Variants in CSMD1 observed in about 807,000 individuals in gnomAD.
CSMD1 encodes the protein CUB and Sushi multiple domains 1.
Under a neutral mutation model 417.5 loss-of-function variants are expected in CSMD1, and 213 were observed. That is an observed-to-expected ratio of 0.51 (90% confidence interval 0.46 to 0.57). The LOEUF is 0.57. Among genes scored for constraint, CSMD1 ranks in the 20% least tolerant of loss-of-function variants. The probability of loss-of-function intolerance (pLI) is 0.00; values close to 1 mark genes in which losing one functional copy is unlikely to be tolerated. For synonymous variants in CSMD1, 2,862 were observed against 1,736.8 expected, an observed-to-expected ratio of 1.65 and a Z score of -16.11; for missense variants, 6,923 against 4,529.7, an observed-to-expected ratio of 1.53 and a Z score of -15.17.
chr8:4,212,581 T>C (rs537750932), intron 3 of CSMD1, among the ~76,000 whole-genome samples: 1 of 152,158 alleles, frequency 6.6e-6, no homozygotes, highest in South Asian at 2.1e-4. Flanking sequence ...GATCAAGGCC[T>C]GACATTGTCA....
intron 5 of CSMD1, among the ~76,000 whole-genome samples, chr8:3,913,160 G>A (rs913972773): frequency 2.0e-5 from 3 of 152,102 alleles, no homozygotes; most frequent in Non-Finnish European, 2.9e-5. Flanking sequence ...ATGTTACATC[G>A]ACAGGGAGAT....
intron 2 of CSMD1, among the ~76,000 whole-genome samples, chr8:4,551,586 C>A (rs1295520486): frequency 6.6e-6 from 1 of 152,154 alleles, no homozygotes; most frequent in Non-Finnish European, 1.5e-5. Flanking sequence ...CATGTCACCC[C>A]ACACTCAAGA....
At chr8:4,622,679 G>A (rs563066453) in intron 2 of CSMD1, among the ~76,000 whole-genome samples, 9 of 152,294 alleles carry the variant, frequency 5.9e-5, no homozygotes, top group Admixed American at 5.9e-4. Context: ...AAAAGACATT[G>A]TGGATGATGA....
At chr8:4,469,912 G>A (rs935415482) in intron 2 of CSMD1, among the ~76,000 whole-genome samples, 2 of 150,984 alleles carry the variant, frequency 1.3e-5, no homozygotes, top group East Asian at 2.0e-4. Context: ...CTGTCGCCCT[G>A]GCTGGAGTGC....
intron 23 of CSMD1, among the ~76,000 whole-genome samples, chr8:3,310,316 TTACTGTTGTTATTGTTG>T (rs1239348643): frequency 6.6e-6 from 1 of 151,852 alleles, no homozygotes; most frequent in Non-Finnish European, 1.5e-5. Context: ...GCAGAAGTCT[TTACTGTTGTTATTGTTG>T]TAGTGTTACT....
intron 2 of CSMD1, among the ~76,000 whole-genome samples, chr8:4,623,567 G>C (rs1302796784): frequency 6.6e-6 from 1 of 151,944 alleles, no homozygotes; most frequent in Non-Finnish European, 1.5e-5. Flanking sequence ...CTAAAAACAG[G>C]GGGGTGAGGG....
intron 12 of CSMD1, among the ~76,000 whole-genome samples, chr8:3,454,504 A>G (rs558531307): frequency 6.6e-6 from 1 of 152,064 alleles, no homozygotes; most frequent in Non-Finnish European, 1.5e-5. Context: ...TTAGGGCAGG[A>G]CTGGTGGTGA....
chr8:4,946,513 C>G (rs1002649461), intron 1 of CSMD1, among the ~76,000 whole-genome samples: 1 of 152,070 alleles, frequency 6.6e-6, no homozygotes, highest in Non-Finnish European at 1.5e-5. Context: ...CAGCCATCCC[C>G]CCAGCTGCCT....
At chr8:4,451,017 T>G (rs1194124087) in intron 2 of CSMD1, among the ~76,000 whole-genome samples, 1 of 100,574 alleles carries the variant, frequency 9.9e-6, no homozygotes, top group Non-Finnish European at 2.0e-5. Flanking sequence ...TTGACCAACG[T>G]GGGGAAAAAA....
chr8:3,820,011 G>A (rs931006525), intron 5 of CSMD1, among the ~76,000 whole-genome samples: 2 of 152,090 alleles, frequency 1.3e-5, no homozygotes, highest in East Asian at 1.9e-4. Flanking sequence ...CTTTCCACTT[G>A]AACATCACAG....
At chr8:4,899,016 T>G (rs550159795) in intron 1 of CSMD1, among the ~76,000 whole-genome samples, 21 of 152,336 alleles carry the variant, frequency 1.4e-4, no homozygotes, top group African/African-American at 4.6e-4. Flanking sequence ...GAGAGTTTTA[T>G]GCTAAACACA....
At chr8:4,773,340 A>T (rs765760087) in intron 1 of CSMD1, among the ~76,000 whole-genome samples, 6 of 152,156 alleles carry the variant, frequency 3.9e-5, no homozygotes, top group Non-Finnish European at 5.9e-5. Context: ...AAGCTCACTG[A>T]CTGGTGGCTT....
intron 25 of CSMD1, among the ~76,000 whole-genome samples, chr8:3,296,621 C>CGT (rs1226421833): frequency 6.6e-6 from 1 of 152,000 alleles, no homozygotes; most frequent in Non-Finnish European, 1.5e-5. Flanking sequence ...AAGAAAGTGG[C>CGT]GTATGTGCTG....
intron 1 of CSMD1, among the ~76,000 whole-genome samples, chr8:4,882,194 A>G (rs758654186): frequency 6.6e-6 from 1 of 151,926 alleles, no homozygotes; most frequent in Non-Finnish European, 1.5e-5. Flanking sequence ...ACGGTGGTGT[A>G]CACTGCGTGG....
chr8:4,096,142 T>C (rs1218310971), intron 3 of CSMD1, among the ~76,000 whole-genome samples: 2 of 152,176 alleles, frequency 1.3e-5, no homozygotes, highest in African/African-American at 2.4e-5. Flanking sequence ...CTAGATGTTC[T>C]ATAATAGGTG....
chr8:3,230,194 G>T lies in CSMD1; in HGVS notation c.4191C>A (p.Pro1397=). The change falls in exon 27 of 70, where the codon CCC becomes CCA. Residue 1397 remains proline, a synonymous_variant. Coordinates refer to ENST00000635120, the MANE Select transcript of CSMD1 (RefSeq NM_033225.6). The part of the protein sequence containing the change: ...IAATCNDPGM[P]QNGTRYGDSR... ...TGTCTCCATAGCGGGTGCCATTTTGGGGCATACCTGGATCGTTACAGGTGG... is the reference window on the plus strand; with the variant it reads ...TGTCTCCATAGCGGGTGCCATTTTGTGGCATACCTGGATCGTTACAGGTGG... The T allele has an allele frequency of 6.2e-7, 1 of 1,609,514 alleles. No homozygotes were observed. The highest frequency in any genetic ancestry group is 8.5e-7 in the Non-Finnish European group (1 of 1,177,682).
chr8:3,811,274 A>C (rs1234874247), intron 5 of CSMD1, among the ~76,000 whole-genome samples: 1 of 152,206 alleles, frequency 6.6e-6, no homozygotes, highest in Non-Finnish European at 1.5e-5. Context: ...ATTACCAGAG[A>C]TAAGTTTATG....
chr8:3,792,272 G>A (rs562728170), intron 5 of CSMD1, among the ~76,000 whole-genome samples: 10 of 152,058 alleles, frequency 6.6e-5, no homozygotes, highest in Non-Finnish European at 1.5e-4. Context: ...CAGCCTGGGT[G>A]ACAGAGAGAG....
At chr8:3,810,221 T>C (rs1800987614) in intron 5 of CSMD1, among the ~76,000 whole-genome samples, 1 of 152,106 alleles carries the variant, frequency 6.6e-6, no homozygotes, top group African/African-American at 2.4e-5. Context: ...TCTTTGACAG[T>C]ATAGAGAAGT....
Sources: gnomAD v4.1 joint callset for allele counts (sites outside exome capture counted in the v4.1 genomes callset) on GRCh38, gnomAD v4.1.1 for gene constraint, MANE v1.5 for transcripts, NCBI Gene and HGNC (gene_info 2026-07-23, HGNC 2026-07-21) for gene names.